The following SGSM1 variants were observed in gnomAD, a reference collection of about 807,000 sequenced individuals.
The protein encoded by SGSM1 is small G protein signaling modulator 1, also known as RUN and TBC1 domain containing 2.
A neutral mutation model predicts 133.8 loss-of-function variants in SGSM1; 73 were observed. The observed-to-expected ratio is 0.55, with a 90% CI of 0.45 to 0.66. The LOEUF is 0.66. Ranked by LOEUF, SGSM1 falls within the 30% of genes least tolerant of loss-of-function variation. SGSM1 has a pLI of 0.00. For synonymous variants in SGSM1, 563 were observed against 573.0 expected (o/e 0.98, Z 0.25); for missense variants, 1,213 against 1,448.1 (o/e 0.84, Z 2.64).
In SGSM1 at chr22:24,898,392, G is replaced by A; in HGVS notation, c.2443G>A (p.Glu815Lys). The change falls in exon 19 of 25, where the codon GAG becomes AAG. Residue 815 changes from glutamate to lysine, a missense_variant. Glu to Lys is a moderately conservative substitution (Grantham distance 56). Transcript: ENST00000400358. ...GCCTGAAAAGGACGATGTTGTGATG[G>A]AGGGCTGGAGGAGCAGCGAGACAGA... is the stretch of plus-strand genomic sequence containing the variant. ...ALPEKDDVVM[E>K]GWRSSETEKH... is the part of the protein sequence containing the mutation. 1 of 1,613,930 alleles carries A rather than the reference G, an allele frequency of 6.2e-7. No individual in the cohort carries two copies. Among genetic ancestry groups the A allele is most frequent in the Non-Finnish European group, 8.5e-7 (1 of 1,179,888 alleles).
chr22:24,917,333 T>G (rs1397468171), intron 22 of SGSM1, among the ~76,000 whole-genome samples: 2 of 152,210 alleles, frequency 1.3e-5, no homozygotes, highest in African/African-American at 4.8e-5. Flanking sequence ...GGGTTCCAGT[T>G]TCTCTGCATC....
In SGSM1 at chr22:24,893,412, A is replaced by G. The variant is rs1171002283; in HGVS notation, c.1771-19A>G. The G allele has an allele frequency of 1.9e-6, 3 of 1,612,320 alleles. No individual in the cohort carries two copies. The highest frequency in any genetic ancestry group is 3.3e-5 in the Admixed American group (2 of 59,720). On this transcript the variant is annotated intron_variant, in intron 16 of 24. Coordinates refer to ENST00000400358, the MANE Select transcript of SGSM1 (RefSeq NM_001098497.3). ...CCCCTTTGTTGACACCTCGGGTGAC[A>G]TTGCATCTGCCCTGGCAGGTGGACG...
rs201253300 is a variant in SGSM1, at chr22:24,859,716, A to G, written c.802A>G (p.Arg268Gly). 8 of 1,613,792 alleles carry G rather than the reference A, an allele frequency of 5.0e-6. No individual in the cohort carries two copies. In the East Asian group the frequency reaches 1.6e-4, roughly 31 times the overall value. The change falls in exon 9 of 25, where the codon AGG becomes GGG. Residue 268 changes from arginine (R) to glycine (G), a missense_variant and splice_region_variant. Arg to Gly is a moderately radical substitution (Grantham distance 125). Transcript: ENST00000400358. ...GACCTGAGTCCTCCTCTCTCTGCAG[A>G]GGGACGACATGGAGGCTGTGCCAGG... ...YGKNNVLVQP[R>G]DDMEAVPGYL...
At chr22:24,851,195 A>G (rs1601921465) in intron 5 of SGSM1, among the ~76,000 whole-genome samples, 1 of 151,986 alleles carries the variant, frequency 6.6e-6, no homozygotes, top group African/African-American at 2.4e-5. Context: ...TGAAAGTTTT[A>G]TAGTGTGAGC....
chr22:24,815,863 G>A (rs1030392217), intron 2 of SGSM1, among the ~76,000 whole-genome samples: 1 of 152,178 alleles, frequency 6.6e-6, no homozygotes, highest in Non-Finnish European at 1.5e-5. Flanking sequence ...CAATGATCTG[G>A]TAAGTTTCAG....
At chr22:24,808,953 G>A (rs1927576227) in intron 2 of SGSM1, among the ~76,000 whole-genome samples, 1 of 152,160 alleles carries the variant, frequency 6.6e-6, no homozygotes, top group Admixed American at 6.5e-5. Flanking sequence ...TCTACACGGT[G>A]CCACACCTTG....
chr22:24,867,245 T>C (rs991797097), intron 10 of SGSM1, 85 bp downstream of exon 10: 5 of 1,308,388 alleles, frequency 3.8e-6, no homozygotes, highest in Non-Finnish European at 4.4e-6. Flanking sequence ...ATTAGCATCA[T>C]GAGCGAATGA....
chr22:24,853,769 ATTT>A (rs57736929), intron 5 of SGSM1, among the ~76,000 whole-genome samples: 1 of 123,434 alleles, frequency 8.1e-6, no homozygotes, highest in Non-Finnish European at 1.6e-5. Flanking sequence ...CGCCTGGTGA[ATTT>A]TTTTTTTTTT....
intron 20 of SGSM1, among the ~76,000 whole-genome samples, chr22:24,904,577 C>CAAAAAAAAA (rs36019944): frequency 1.7e-5 from 2 of 115,200 alleles, no homozygotes; most frequent in Admixed American, 9.4e-5. Context: ...GACTCCGTCT[C>CAAAAAAAAA]AAAAAAAAAA....
Position 24,884,193 on chromosome 22 carries a change from A to T in SGSM1, c.1636A>T (p.Ser546Cys), listed in dbSNP as rs771383759. The change falls in exon 15 of 25, where the codon AGC becomes TGC. Residue 546 changes from serine (S) to cysteine (C), a missense_variant. Transcript: ENST00000400358. ...GATCTGGGAGCAGTACCTTCACGACAGCACAGTAAGGCTTAGCTGGGCTTG... is the reference window on the plus strand; with the variant it reads ...GATCTGGGAGCAGTACCTTCACGACTGCACAGTAAGGCTTAGCTGGGCTTG... Reference protein sequence around the residue: ...ARIWEQYLHDSTSYEEQELLR... With the variant: ...ARIWEQYLHDCTSYEEQELLR... 1.9e-6 allele frequency: 3 copies of T among 1,613,008 alleles called. No homozygotes were observed. In the African/African-American group the frequency reaches 4.0e-5, roughly 22 times the overall value.
At chr22:24,908,977 G>A (rs964911612) in intron 21 of SGSM1, among the ~76,000 whole-genome samples, 5 of 152,278 alleles carry the variant, frequency 3.3e-5, no homozygotes, top group Non-Finnish European at 5.9e-5. Flanking sequence ...GAACCTTGCC[G>A]CACGGCAGGA....
At chr22:24,842,119 A>G (rs372841280) in intron 2 of SGSM1, among the ~76,000 whole-genome samples, 8 of 152,228 alleles carry the variant, frequency 5.3e-5, no homozygotes, top group Admixed American at 3.9e-4. Context: ...GTGCTTGGCA[A>G]CTGCCTTCCA....
intron 5 of SGSM1, 145 bp from the exon 6 acceptor site, chr22:24,854,851 A>G (rs532477196): frequency 2.0e-5 from 13 of 634,226 alleles, no homozygotes; most frequent in African/African-American, 5.5e-5. Context: ...CCTATGAGCT[A>G]TATTATTATT....
At chr22:24,840,590 G>T (rs1191434753) in intron 2 of SGSM1, among the ~76,000 whole-genome samples, 1 of 151,842 alleles carries the variant, frequency 6.6e-6, no homozygotes, top group Non-Finnish European at 1.5e-5. Flanking sequence ...TAATCCGCCC[G>T]CCTCAGCCTC....
At chr22:24,840,659 C>T (rs1056096049) in intron 2 of SGSM1, among the ~76,000 whole-genome samples, 5 of 150,010 alleles carry the variant, frequency 3.3e-5, no homozygotes, top group Non-Finnish European at 5.9e-5. Flanking sequence ...TTATTATTTC[C>T]TTCTTTCTGC....
At chr22:24,849,627 TGAGCAGG>T (rs1436075112) in intron 4 of SGSM1, among the ~76,000 whole-genome samples, 1 of 152,200 alleles carries the variant, frequency 6.6e-6, no homozygotes, top group Non-Finnish European at 1.5e-5. Flanking sequence ...GACAGAAAAG[TGAGCAGG>T]GAGCTCAGCT....
intron 2 of SGSM1, among the ~76,000 whole-genome samples, chr22:24,824,473 C>T (rs967516967): frequency 6.6e-6 from 1 of 152,136 alleles, no homozygotes; most frequent in Non-Finnish European, 1.5e-5. Flanking sequence ...CAAAATACTC[C>T]TGTCCCCACC....
intron 19 of SGSM1, 123 bp downstream of exon 19, chr22:24,898,682 G>T: frequency 1.1e-6 from 1 of 951,450 alleles, no homozygotes; most frequent in Non-Finnish European, 1.5e-6. Context: ...CATTTTTTCC[G>T]TCATGGAGGA....
intron 22 of SGSM1, among the ~76,000 whole-genome samples, chr22:24,913,123 C>G (rs1933693326): frequency 6.6e-6 from 1 of 151,848 alleles, no homozygotes; most frequent in Non-Finnish European, 1.5e-5. Context: ...AACCCCATCT[C>G]TACTAAAAAT....
Sources: allele counts gnomAD v4.1 joint callset (sites outside exome capture counted in the v4.1 genomes callset), GRCh38; gene constraint gnomAD v4.1.1; transcripts MANE v1.5; gene names NCBI Gene and HGNC (gene_info 2026-07-23, HGNC 2026-07-21).